LPP: variants seen among roughly 807,000 people sequenced by gnomAD.
LPP encodes the protein lipoma-preferred partner.
Under a neutral mutation model 60.4 loss-of-function variants are expected in LPP, and 38 were observed. The observed-to-expected ratio is 0.63, with a 90% CI of 0.49 to 0.83. LPP has a LOEUF of 0.83. LPP is among the 40% of genes least tolerant of loss of function. The pLI, the probability that LPP is intolerant of heterozygous loss-of-function variation, is 0.00. For synonymous variants in LPP, 328 were observed against 290.8 expected (o/e 1.13, Z -1.30); for missense variants, 902 against 783.6 (o/e 1.15, Z -1.80).
chr3:188,269,807 C>T (rs190184791), intron 2 of LPP, among the ~76,000 whole-genome samples: 24 of 152,098 alleles, frequency 1.6e-4, no homozygotes, highest in Admixed American at 9.2e-4. Flanking sequence ...CGTGCCACCA[C>T]GCCCTAATTT....
At chr3:188,464,385 C>T (rs1455341604) in intron 4 of LPP, among the ~76,000 whole-genome samples, 5 of 152,104 alleles carry the variant, frequency 3.3e-5, no homozygotes, top group Admixed American at 2.6e-4. Flanking sequence ...GTCTCTCAGC[C>T]ACTAGTCACA....
chr3:188,614,923 C>G (rs1183554108), intron 7 of LPP, among the ~76,000 whole-genome samples: 1 of 152,142 alleles, frequency 6.6e-6, no homozygotes, highest in East Asian at 1.9e-4. Flanking sequence ...CTATACTTCC[C>G]CATCCCCATC....
chr3:188,467,411 A>G (rs1800754649), intron 4 of LPP, among the ~76,000 whole-genome samples: 1 of 152,092 alleles, frequency 6.6e-6, no homozygotes, highest in Non-Finnish European at 1.5e-5. Flanking sequence ...TTGTCCTTGC[A>G]CTGATGTTCC....
intron 6 of LPP, among the ~76,000 whole-genome samples, chr3:188,588,777 A>G (rs1439629396): frequency 6.6e-6 from 1 of 152,130 alleles, no homozygotes; most frequent in Non-Finnish European, 1.5e-5. Flanking sequence ...TGCTGGAAAC[A>G]GGATCCACCC....
intron 2 of LPP, among the ~76,000 whole-genome samples, chr3:188,293,613 T>C (rs1191018530): frequency 2.0e-5 from 3 of 152,152 alleles, no homozygotes; most frequent in Admixed American, 1.3e-4. Flanking sequence ...ATTTGGTAGA[T>C]GGGAGGTTAT....
intron 2 of LPP, among the ~76,000 whole-genome samples, chr3:188,240,375 G>C (rs533477748): frequency 6.8e-6 from 1 of 147,562 alleles, no homozygotes; most frequent in South Asian, 2.1e-4. Context: ...GTGTGTGTGT[G>C]TGAGAGAGAG....
At chr3:188,350,773 T>C (rs1039517626) in intron 3 of LPP, among the ~76,000 whole-genome samples, 8 of 152,212 alleles carry the variant, frequency 5.3e-5, no homozygotes, top group South Asian at 2.1e-4. Context: ...TGGACATTAT[T>C]ATTCTAGTTT....
intron 6 of LPP, among the ~76,000 whole-genome samples, chr3:188,602,952 G>C (rs563953008): frequency 1.3e-5 from 2 of 151,236 alleles, no homozygotes; most frequent in Non-Finnish European, 2.9e-5. Context: ...CTTCAACTGG[G>C]AATTGTAAAG....
intron 6 of LPP, among the ~76,000 whole-genome samples, chr3:188,567,668 T>G (rs1343984318): frequency 2.6e-5 from 4 of 151,952 alleles, no homozygotes; most frequent in African/African-American, 7.2e-5. Flanking sequence ...GCTTCTGTCC[T>G]ATGAAGCAGA....
chr3:188,683,205 C>A (rs1859910616), intron 7 of LPP, among the ~76,000 whole-genome samples: 1 of 151,878 alleles, frequency 6.6e-6, no homozygotes, highest in Admixed American at 6.6e-5. Context: ...TTAGACCAAG[C>A]ATAATGAGGT....
rs980675994 is a variant in LPP at position 188,789,383 on chromosome 3, G to C, written c.1410+29101G>C. Among the ~76,000 whole-genome samples the C allele has an allele frequency of 2.6e-5, 4 of 152,184 alleles. No individual in the cohort carries two copies. The South Asian group carries it at 8.3e-4, about 31-fold the overall frequency. The stretch of plus-strand genomic sequence containing the variant: ...CAGGAAAGCTGGGCCCAGGGGGCTG[G>C]CCTTGAGCAGCTGACTAAGCCTGTA... On this transcript the variant is annotated intron_variant, in intron 9 of 11. Transcript: ENST00000617246.
chr3:188,275,792 C>T (rs191924093), intron 2 of LPP, among the ~76,000 whole-genome samples: 12 of 152,272 alleles, frequency 7.9e-5, no homozygotes, highest in African/African-American at 2.6e-4. Flanking sequence ...TCTCCTGCCT[C>T]AGCCTCCTGA....
chr3:188,252,989 T>A (rs528355996), intron 2 of LPP, among the ~76,000 whole-genome samples: 2 of 152,148 alleles, frequency 1.3e-5, no homozygotes, highest in South Asian at 4.2e-4. Context: ...GCCAGGCTGG[T>A]CTCAAACTCC....
intron 5 of LPP, among the ~76,000 whole-genome samples, chr3:188,521,382 TG>T (rs1208370217): frequency 1.3e-5 from 2 of 152,146 alleles, no homozygotes; most frequent in Non-Finnish European, 2.9e-5. Context: ...CATAATTACT[TG>T]TTTTATTGTG....
At chr3:188,675,432 T>C (rs1576974210) in intron 7 of LPP, among the ~76,000 whole-genome samples, 1 of 152,128 alleles carries the variant, frequency 6.6e-6, no homozygotes. Context: ...AAATAAAGAA[T>C]GGTGGGGCTA....
chr3:188,727,073 T>C (rs1178144974), intron 8 of LPP, among the ~76,000 whole-genome samples: 1 of 152,148 alleles, frequency 6.6e-6, no homozygotes, highest in Admixed American at 6.5e-5. Flanking sequence ...GTGCTCTAAC[T>C]TCATGTCTAA....
At chr3:188,596,760 C>T (rs983639602) in intron 6 of LPP, among the ~76,000 whole-genome samples, 1 of 152,104 alleles carries the variant, frequency 6.6e-6, no homozygotes, top group Admixed American at 6.6e-5. Flanking sequence ...CTGTAACACA[C>T]CACCTATTCC....
At chr3:188,252,063 TATATATATATATAC>T (rs1474814855) in intron 2 of LPP, among the ~76,000 whole-genome samples, 21 of 104,102 alleles carry the variant, frequency 2.0e-4, no homozygotes, top group East Asian at 5.0e-4. Context: ...TATATATATA[TATATATATATATAC>T]ACACACACAC....
chr3:188,192,079 T>G (rs1728335385), intron 1 of LPP, among the ~76,000 whole-genome samples: 2 of 152,206 alleles, frequency 1.3e-5, no homozygotes, highest in Admixed American at 1.3e-4. Context: ...TTTAGCAACC[T>G]GTGTTGCTAT....
Sources: gnomAD v4.1 joint callset for allele counts (sites outside exome capture counted in the v4.1 genomes callset) on GRCh38, gnomAD v4.1.1 for gene constraint, MANE v1.5 for transcripts, NCBI Gene and HGNC (gene_info 2026-07-23, HGNC 2026-07-21) for gene names.